The following PKIB variants were observed in gnomAD, a reference collection of about 807,000 sequenced individuals.
PKIB encodes the protein PKI-beta.
PKIB carries 2 observed loss-of-function variants against 4.5 expected under a neutral mutation model. The observed-to-expected ratio is 0.44, with a 90% confidence interval of 0.18 to 1.39. PKIB has a LOEUF of 1.39. PKIB is among the 40% of genes most tolerant of loss of function. The pLI is 0.27. For missense variants in PKIB, 94 were observed against 92.6 expected (o/e 1.02, Z -0.06); for synonymous variants, 38 against 36.0 (o/e 1.06, Z -0.20).
chr6:122,591,580 T>C (rs1029955937), intron 3 of PKIB, among the ~76,000 whole-genome samples: 1 of 152,208 alleles, frequency 6.6e-6, no homozygotes, highest in Non-Finnish European at 1.5e-5. Flanking sequence ...AGTAGAATAG[T>C]ATTATTCTAA....
In PKIB at chr6:122,689,033, G is replaced by A. The variant is rs541518383; in HGVS notation, c.-9+13889G>A. Among the ~76,000 whole-genome samples, 28 of 151,882 alleles carry A rather than the reference G, an allele frequency of 1.8e-4. 1 individual carries two copies. In the South Asian group the frequency reaches 4.0e-3, roughly 21 times the overall value. On this transcript the variant is annotated intron_variant, in intron 3 of 4. Coordinates refer to ENST00000368452, the MANE Select transcript of PKIB (RefSeq NM_181795.3). Reference sequence around the variant, plus strand: ...CCTGACCTCGTGACCCGCCCACCTCGGCCTCCCAAAGTGCTGGGATTACAG... The same window carrying A: ...CCTGACCTCGTGACCCGCCCACCTCAGCCTCCCAAAGTGCTGGGATTACAG...
chr6:122,658,852 T>A (rs1776875278), intron 2 of PKIB, among the ~76,000 whole-genome samples: 1 of 150,984 alleles, frequency 6.6e-6, no homozygotes, highest in South Asian at 2.1e-4. Flanking sequence ...AGCATTCATT[T>A]GACAAATTTT....
At chr6:122,655,988 A>AT (rs1269070222) in intron 2 of PKIB, among the ~76,000 whole-genome samples, 6 of 152,060 alleles carry the variant, frequency 3.9e-5, no homozygotes, top group African/African-American at 1.4e-4. Flanking sequence ...ACCATATTAT[A>AT]TTTTTGTATT....
At chr6:122,579,293 A>G (rs1399125425) in intron 2 of PKIB, among the ~76,000 whole-genome samples, 1 of 152,102 alleles carries the variant, frequency 6.6e-6, no homozygotes, top group African/African-American at 2.4e-5. Flanking sequence ...CCATCTTCAT[A>G]TCTTTGCAAT....
At chr6:122,529,953 T>G (rs940397283) in intron 2 of PKIB, among the ~76,000 whole-genome samples, 6 of 152,158 alleles carry the variant, frequency 3.9e-5, no homozygotes, top group African/African-American at 1.4e-4. Flanking sequence ...TTCAGCTTCT[T>G]GAATCCACAT....
intron 2 of PKIB, among the ~76,000 whole-genome samples, chr6:122,654,592 A>G (rs1776696095): frequency 6.6e-6 from 1 of 152,186 alleles, no homozygotes. Context: ...GTAGGACCAT[A>G]AATATCGGTC....
intron 2 of PKIB, among the ~76,000 whole-genome samples, chr6:122,517,788 A>G (rs1019170592): frequency 6.6e-6 from 1 of 152,230 alleles, no homozygotes; most frequent in Non-Finnish European, 1.5e-5. Flanking sequence ...ATTCTTGATC[A>G]CTGAATGTGT....
At chr6:122,506,981 A>G (rs962769354) in intron 2 of PKIB, among the ~76,000 whole-genome samples, 9 of 152,054 alleles carry the variant, frequency 5.9e-5, no homozygotes, top group Non-Finnish European at 1.0e-4. Context: ...GATTACAAGC[A>G]TGAGCCACCG....
chr6:122,636,436 T>C (rs1413563203), intron 2 of PKIB, among the ~76,000 whole-genome samples: 1 of 151,996 alleles, frequency 6.6e-6, no homozygotes, highest in Non-Finnish European at 1.5e-5. Context: ...TTTAAAAATC[T>C]CATCATAACA....
chr6:122,509,135 C>G (rs900243485), intron 2 of PKIB, among the ~76,000 whole-genome samples: 1 of 152,056 alleles, frequency 6.6e-6, no homozygotes, highest in African/African-American at 2.4e-5. Flanking sequence ...ATCACATGGT[C>G]CCATATATGT....
At chr6:122,583,215 T>G (rs992750036) in intron 2 of PKIB, among the ~76,000 whole-genome samples, 1 of 152,046 alleles carries the variant, frequency 6.6e-6, no homozygotes, top group Non-Finnish European at 1.5e-5. Context: ...TAATTTTATT[T>G]GCAAAATATA....
At chr6:122,486,288 C>T (rs1458584958) in intron 2 of PKIB, among the ~76,000 whole-genome samples, 1 of 152,096 alleles carries the variant, frequency 6.6e-6, no homozygotes, top group Non-Finnish European at 1.5e-5. Flanking sequence ...TTTATTCCCC[C>T]TAAACCAGTC....
At chr6:122,488,524 T>A (rs1775837365) in intron 2 of PKIB, among the ~76,000 whole-genome samples, 1 of 151,972 alleles carries the variant, frequency 6.6e-6, no homozygotes, top group African/African-American at 2.4e-5. Flanking sequence ...ACTCCCTCCC[T>A]GGACTCGGGT....
At chr6:122,495,604 A>G (rs959405177) in intron 2 of PKIB, among the ~76,000 whole-genome samples, 1 of 151,850 alleles carries the variant, frequency 6.6e-6, no homozygotes, top group African/African-American at 2.4e-5. Flanking sequence ...AACTGGGGAA[A>G]CTACCTACCC....
At chr6:122,611,710 G>A (rs2114761236) in intron 1 of PKIB, among the ~76,000 whole-genome samples, 1 of 152,194 alleles carries the variant, frequency 6.6e-6, no homozygotes, top group South Asian at 2.1e-4. Flanking sequence ...ATCCTCCTGG[G>A]ATTTTATATT....
At chr6:122,591,203 C>T (rs922878608) in intron 3 of PKIB, among the ~76,000 whole-genome samples, 1 of 148,342 alleles carries the variant, frequency 6.7e-6, no homozygotes, top group East Asian at 2.1e-4. Context: ...TCGACACACA[C>T]ACACACACAC....
At chr6:122,679,085 GA>G (rs968182336) in intron 3 of PKIB, among the ~76,000 whole-genome samples, 23 of 151,908 alleles carry the variant, frequency 1.5e-4, no homozygotes, top group South Asian at 6.3e-4. Flanking sequence ...ACCATCAAGT[GA>G]AAAAAAAGTG....
At chr6:122,683,599 T>C (rs1777984854) in intron 3 of PKIB, among the ~76,000 whole-genome samples, 1 of 152,146 alleles carries the variant, frequency 6.6e-6, no homozygotes, top group Admixed American at 6.5e-5. Context: ...ATAAGGAACT[T>C]TTATCATTCA....
chr6:122,716,385 T>C (rs1246618008), intron 3 of PKIB, among the ~76,000 whole-genome samples: 1 of 152,170 alleles, frequency 6.6e-6, no homozygotes, highest in Admixed American at 6.5e-5. Context: ...TAGTGCTCTT[T>C]ACAGTACTCT....
Sources: allele counts gnomAD v4.1 joint callset (sites outside exome capture counted in the v4.1 genomes callset), GRCh38; gene constraint gnomAD v4.1.1; transcripts MANE v1.5; gene names NCBI Gene and HGNC (gene_info 2026-07-23, HGNC 2026-07-21).